The following CSGALNACT1 variants were observed in gnomAD, a reference collection of about 807,000 sequenced individuals.
CSGALNACT1 encodes the protein beta4GalNAcT-1.
A neutral mutation model predicts 51.0 loss-of-function variants in CSGALNACT1; 52 were observed. The observed-to-expected ratio is 1.02, with a 90% CI of 0.82 to 1.29. The LOEUF is 1.29. Among genes scored for constraint, CSGALNACT1 ranks in the 50% most tolerant of loss-of-function variants. CSGALNACT1 has a pLI of 0.00. For missense variants in CSGALNACT1, 935 were observed against 679.2 expected (o/e 1.38, Z -4.19); for synonymous variants, 341 against 254.4 (o/e 1.34, Z -3.24).
intron 1 of CSGALNACT1, among the ~76,000 whole-genome samples, chr8:19,625,254 C>T (rs1383083644): frequency 3.3e-5 from 5 of 152,102 alleles, no homozygotes; most frequent in Non-Finnish European, 5.9e-5. Context: ...AAACTGCAGT[C>T]TATTAAGGAG....
chr8:19,571,699 C>T (rs1165592575), intron 3 of CSGALNACT1, among the ~76,000 whole-genome samples: 1 of 152,172 alleles, frequency 6.6e-6, no homozygotes, highest in Non-Finnish European at 1.5e-5. Context: ...TCAGCTTTCC[C>T]AGCCAAAGCC....
intron 3 of CSGALNACT1, among the ~76,000 whole-genome samples, chr8:19,580,821 G>C (rs1238119177): frequency 6.6e-6 from 1 of 152,060 alleles, no homozygotes; most frequent in Admixed American, 6.6e-5. Flanking sequence ...CAGATACCTA[G>C]CTTCTATAAA....
chr8:19,677,278 T>A (rs1396767279), intron 1 of CSGALNACT1, among the ~76,000 whole-genome samples: 1 of 152,154 alleles, frequency 6.6e-6, no homozygotes, highest in Non-Finnish European at 1.5e-5. Flanking sequence ...CTAGCTAATT[T>A]TTTTATATCT....
At chr8:19,465,497 A>G (rs1248925562) in intron 4 of CSGALNACT1, among the ~76,000 whole-genome samples, 1 of 152,182 alleles carries the variant, frequency 6.6e-6, no homozygotes, top group Non-Finnish European at 1.5e-5. Flanking sequence ...TAAATGGTGA[A>G]TGCTATACGT....
chr8:19,691,063 G>C (rs2061287031), intron 1 of CSGALNACT1, among the ~76,000 whole-genome samples: 1 of 152,184 alleles, frequency 6.6e-6, no homozygotes, highest in Non-Finnish European at 1.5e-5. Flanking sequence ...CTGCACTCAA[G>C]CTTGGACAAC....
chr8:19,628,618 G>A (rs932043739), intron 1 of CSGALNACT1, among the ~76,000 whole-genome samples: 9 of 151,966 alleles, frequency 5.9e-5, no homozygotes, highest in Non-Finnish European at 1.0e-4. Flanking sequence ...AACCCAAGGA[G>A]TCCAATTCCA....
intron 5 of CSGALNACT1, among the ~76,000 whole-genome samples, 165 bp from the exon 5 acceptor site, chr8:19,440,096 C>A (rs1025342501): frequency 6.6e-6 from 1 of 152,180 alleles, no homozygotes; most frequent in African/African-American, 2.4e-5. Context: ...GCCATTCCAA[C>A]TATCTGTATT....
intron 3 of CSGALNACT1, among the ~76,000 whole-genome samples, chr8:19,509,471 TAGTC>T (rs1366686587): frequency 6.6e-6 from 1 of 151,602 alleles, no homozygotes; most frequent in Admixed American, 6.6e-5. Context: ...ATACAAAAAT[TAGTC>T]AGGTATCGTG....
intron 1 of CSGALNACT1, among the ~76,000 whole-genome samples, chr8:19,726,475 C>T (rs2063407967): frequency 6.6e-6 from 1 of 151,980 alleles, no homozygotes; most frequent in Non-Finnish European, 1.5e-5. Flanking sequence ...AAAAATTGTA[C>T]ACATTTACAG....
chr8:19,673,754 G>A (rs893128751), intron 1 of CSGALNACT1, among the ~76,000 whole-genome samples: 2 of 152,178 alleles, frequency 1.3e-5, no homozygotes, highest in Non-Finnish European at 2.9e-5. Context: ...AATTTCTGCA[G>A]CGTTCTTTTG....
chr8:19,647,102 A>AG (rs1321648425), intron 1 of CSGALNACT1, among the ~76,000 whole-genome samples: 1 of 152,084 alleles, frequency 6.6e-6, no homozygotes, highest in Non-Finnish European at 1.5e-5. Flanking sequence ...GCCACCCTGA[A>AG]GGTCAGCTTC....
chr8:19,642,077 G>T (rs555702720), intron 1 of CSGALNACT1: 2 of 152,308 alleles, frequency 1.3e-5, no homozygotes, highest in South Asian at 2.1e-4. Context: ...CTGTTTGAAA[G>T]GAAAATGGCT....
At chr8:19,693,960 C>T (rs961635828) in intron 1 of CSGALNACT1, among the ~76,000 whole-genome samples, 55 of 144,880 alleles carry the variant, frequency 3.8e-4, no homozygotes, top group African/African-American at 1.4e-3. Context: ...ATTTTTTTTT[C>T]TTTCCATGTC....
chr8:19,408,978 A>ACACACACACACACACAC (rs57424251), intron 8 of CSGALNACT1, among the ~76,000 whole-genome samples: 1 of 150,890 alleles, frequency 6.6e-6, no homozygotes, highest in Non-Finnish European at 1.5e-5. Flanking sequence ...ACACACACAC[A>ACACACACACACACACAC]ATCAAAAACA....
chr8:19,613,023 C>A (rs2052507992), intron 1 of CSGALNACT1, among the ~76,000 whole-genome samples: 1 of 127,304 alleles, frequency 7.9e-6, no homozygotes, highest in Non-Finnish European at 1.6e-5. Flanking sequence ...AACAACTTGT[C>A]TCATGAATTT....
At chr8:19,594,405 C>T (rs532990937) in intron 2 of CSGALNACT1, among the ~76,000 whole-genome samples, 11 of 152,232 alleles carry the variant, frequency 7.2e-5, no homozygotes, top group Middle Eastern at 3.4e-3. Context: ...AGTTAAAGTA[C>T]GTGGTATCAA....
intron 4 of CSGALNACT1, among the ~76,000 whole-genome samples, chr8:19,481,850 A>G (rs1477369881): frequency 1.3e-5 from 2 of 152,228 alleles, no homozygotes; most frequent in African/African-American, 2.4e-5. Flanking sequence ...GCTAAAACTT[A>G]TGGAGATACA....
Position 19,666,987 on chromosome 8 carries a change from GA to G in CSGALNACT1, c.-544+15485del, listed in dbSNP as rs1176347570. ...AGAAAGAAAGAAAGAAAGAAAGAAA[GA>G]AAGAAAGAAAGAAAGAAAGAAAGAA... On this transcript the variant is annotated intron_variant, in intron 1 of 9. Coordinates refer to the CSGALNACT1 transcript ENST00000332246. Among the ~76,000 whole-genome samples, 11 of 24,886 alleles carry G rather than the reference GA, an allele frequency of 4.4e-4. 1 individual carries two copies. Among genetic ancestry groups the G allele is most frequent in the East Asian group, 1.0e-3 (1 of 992 alleles). The allele number at this position is 24,886 out of a possible 152,430, so 16.3% of individuals were successfully genotyped here.
At chr8:19,743,801 T>G (rs558699557) in intron 1 of CSGALNACT1, among the ~76,000 whole-genome samples, 3 of 152,350 alleles carry the variant, frequency 2.0e-5, no homozygotes, top group South Asian at 4.1e-4. Flanking sequence ...TTTTCAGAAG[T>G]CTGATTCATA....
Sources: allele counts gnomAD v4.1 joint callset (sites outside exome capture counted in the v4.1 genomes callset), GRCh38; gene constraint gnomAD v4.1.1; transcripts MANE v1.5; gene names NCBI Gene and HGNC (gene_info 2026-07-23, HGNC 2026-07-21).